The following ADGRG5 variants were observed in gnomAD, a reference collection of about 807,000 sequenced individuals.
The protein encoded by ADGRG5 is adhesion G protein-coupled receptor G5.
In ADGRG5, 37 loss-of-function variants were observed where a neutral mutation model predicts 53.2. That is an observed-to-expected ratio of 0.70 (90% confidence interval 0.53 to 0.91). The LOEUF (loss-of-function observed/expected upper bound fraction) is 0.91. ADGRG5 is among the 40% of genes least tolerant of loss of function. The pLI is 0.00. For synonymous variants in ADGRG5, 277 were observed against 290.4 expected, an observed-to-expected ratio of 0.95 and a Z score of 0.47; for missense variants, 614 against 675.8, an observed-to-expected ratio of 0.91 and a Z score of 1.01.
chr16:57,544,448 G>A (rs1351293468), intron 1 of ADGRG5, among the ~76,000 whole-genome samples: 2 of 152,250 alleles, frequency 1.3e-5, no homozygotes, highest in African/African-American at 2.4e-5. Flanking sequence ...GGGAAAGGGG[G>A]TGGAAACCAC....
chr16:57,543,872 A>ATTG (rs1315165042), intron 1 of ADGRG5, among the ~76,000 whole-genome samples: 1 of 152,100 alleles, frequency 6.6e-6, no homozygotes, highest in Non-Finnish European at 1.5e-5. Flanking sequence ...GATCAGGGAA[A>ATTG]TTGTTGTTTG....
the ADGRG5 span, among the ~76,000 whole-genome samples, chr16:57,537,328 AAAG>A: frequency 2.0e-5 from 3 of 151,226 alleles, no homozygotes; most frequent in African/African-American, 7.4e-5. Flanking sequence ...AATCTATTTA[AAAG>A]AAGACCAACA....
rs137871368 is a variant in ADGRG5 at position 57,572,799 on chromosome 16, A to T, written c.1209-2016A>T. On this transcript the variant is annotated intron_variant, in intron 10 of 11. Coordinates refer to ENST00000349457, the MANE Select transcript of ADGRG5 (RefSeq NM_001304376.3). ...AGCTGCCCCCGTGGGGATATTCCCTAGCGGTGAAAGTGAGTGGTCGCCTAC... is the reference window on the plus strand; with the variant it reads ...AGCTGCCCCCGTGGGGATATTCCCTTGCGGTGAAAGTGAGTGGTCGCCTAC... Among the ~76,000 whole-genome samples, 4 of 152,360 alleles carry T rather than the reference A, an allele frequency of 2.6e-5. No homozygotes were observed. The East Asian group carries it at 7.7e-4, about 29-fold the overall frequency.
At chr16:57,559,856 G>A (rs1453698506) in intron 1 of ADGRG5, among the ~76,000 whole-genome samples, 1 of 151,664 alleles carries the variant, frequency 6.6e-6, no homozygotes, top group African/African-American at 2.4e-5. Context: ...TCTTAATATG[G>A]TTTTTACACA....
the ADGRG5 span, among the ~76,000 whole-genome samples, chr16:57,537,282 C>T: frequency 2.0e-5 from 3 of 151,126 alleles, no homozygotes; most frequent in East Asian, 5.8e-4. Flanking sequence ...GGAGGACTCC[C>T]CACTACATCC....
At chr16:57,546,096 G>C (rs370103547) in intron 1 of ADGRG5, among the ~76,000 whole-genome samples, 50 of 152,222 alleles carry the variant, frequency 3.3e-4, no homozygotes, top group African/African-American at 1.1e-3. Context: ...AAAGTGCTGG[G>C]ATTACAGGTG....
chr16:57,542,561 C>G (rs2032508415), upstream of ADGRG5: 1 of 152,552 alleles, frequency 6.6e-6, no homozygotes, highest in Non-Finnish European at 1.5e-5. Flanking sequence ...GTGAAGGGAG[C>G]AGAGAGAAGT....
intron 5 of ADGRG5, 150 bp from the exon 6 acceptor site, chr16:57,564,884 A>AAGGCTGGGAGGCTGGG (rs373712802): frequency 8.5e-6 from 5 of 586,038 alleles, no homozygotes; most frequent in Admixed American, 6.1e-5. Flanking sequence ...GGAGGCTGGG[A>AAGGCTGGGAGGCTGGG]AGGCTGGGAG....
chr16:57,548,990 G>C (rs2032687252), intron 1 of ADGRG5, among the ~76,000 whole-genome samples: 2 of 152,178 alleles, frequency 1.3e-5, no homozygotes, highest in South Asian at 4.2e-4. Context: ...TCATATGATA[G>C]GTACATGTTT....
Position 57,566,720 on chromosome 16 carries a change from G to A in ADGRG5, c.668G>A (p.Cys223Tyr). Residue 223 changes from cysteine (C) to tyrosine (Y), a missense_variant, in exon 7 of 12, where the codon TGC becomes TAC. Coordinates refer to ENST00000349457, the MANE Select transcript of ADGRG5 (RefSeq NM_001304376.3). The stretch of plus-strand genomic sequence containing the variant: ...TCCCACTCTCAGGTGCTCTGCCGCT[G>A]CAACCACCTCACCTACTTTGCTGTT... Reference protein sequence around the residue: ...QPSHSQVLCRCNHLTYFAVLM... With the variant: ...QPSHSQVLCRYNHLTYFAVLM... 1.3e-6 allele frequency: 2 copies of A among 1,568,082 alleles called. No homozygotes were observed. Among genetic ancestry groups the A allele is most frequent in the Non-Finnish European group, 1.7e-6 (2 of 1,157,334 alleles).
chr16:57,574,174 GGACCGGGGCTGGCTTCGGTTAGTT>G lies in ADGRG5; in HGVS notation c.1209-640_1209-617del, dbSNP rs1421752836. ...GGGCAGAGGCCTCCGGGAGGGCGTG[GGACCGGGGCTGGCTTCGGTTAGTT>G]CTCCATGGCTCTCTGCTCAGCCCTC... On this transcript the variant is annotated intron_variant, in intron 10 of 11. Coordinates refer to ENST00000349457, the MANE Select transcript of ADGRG5 (RefSeq NM_001304376.3). This position sits in a 1 kb window ranked among gnomAD's most constrained non-coding sequence, Gnocchi z 4.4. Among the ~76,000 whole-genome samples the G allele has an allele frequency of 2.0e-5, 3 of 152,232 alleles. No homozygotes were observed. Among genetic ancestry groups the G allele is most frequent in the African/African-American group, 7.2e-5 (3 of 41,464 alleles).
intron 1 of ADGRG5, among the ~76,000 whole-genome samples, chr16:57,558,667 T>G (rs1196785369): frequency 1.3e-5 from 2 of 152,208 alleles, no homozygotes; most frequent in East Asian, 3.9e-4. Flanking sequence ...CAGGCAGACT[T>G]CTTCCCCTTC....
chr16:57,574,998 G>C lies in ADGRG5; in HGVS notation c.1392G>C (p.Val464=). 8 of 1,613,998 alleles carry C rather than the reference G, an allele frequency of 5.0e-6. No individual in the cohort carries two copies. Among genetic ancestry groups the C allele is most frequent in the Non-Finnish European group, 6.8e-6 (8 of 1,180,002 alleles). ...HDTVTVLGLT[V]LLGTTWALAF... ...CTGTCACTGTGCTGGGCCTCACCGT[G>C]CTGCTGGGAACCACCTGGGCCTTGG... Residue 464 remains valine, a synonymous_variant, in exon 11 of 12, where the codon GTG becomes GTC. Transcript: ENST00000349457. The surrounding 1 kb of genome is among the most constrained non-coding windows in gnomAD (Gnocchi z 4.4).
At chr16:57,554,644 G>A (rs1218134239) in intron 1 of ADGRG5, among the ~76,000 whole-genome samples, 1 of 152,106 alleles carries the variant, frequency 6.6e-6, no homozygotes, top group Non-Finnish European at 1.5e-5. Flanking sequence ...CCAAAGTGCT[G>A]GGATTACAGG....
chr16:57,532,227 T>G, the ADGRG5 span, among the ~76,000 whole-genome samples: 1 of 152,154 alleles, frequency 6.6e-6, no homozygotes, highest in East Asian at 1.9e-4. Context: ...GAATTTGCAT[T>G]TTAATAGTCT....
Position 57,567,813 on chromosome 16 carries a change from G to T in ADGRG5, c.822-43G>T, listed in dbSNP as rs184384809. 2.4e-5 allele frequency: 38 copies of T among 1,582,472 alleles called. No homozygotes were observed. In the East Asian group the frequency reaches 8.6e-4, roughly 36 times the overall value. Reference sequence around the variant, plus strand: ...TGCACCCAGTGGGTAGTGCTGCCTGGGTGATGTCCCTGGGCCATGGAGGAC... The same window carrying T: ...TGCACCCAGTGGGTAGTGCTGCCTGTGTGATGTCCCTGGGCCATGGAGGAC... On this transcript the variant is annotated intron_variant, in intron 8 of 11. Coordinates refer to ENST00000349457, the MANE Select transcript of ADGRG5 (RefSeq NM_001304376.3).
At chr16:57,562,815 G>A (rs557552818) in intron 3 of ADGRG5, among the ~76,000 whole-genome samples, 52 of 152,326 alleles carry the variant, frequency 3.4e-4, no homozygotes, top group Non-Finnish European at 5.9e-4. Flanking sequence ...TCAGGGCTAA[G>A]AGTGGCTACT....
rs574362480 is a variant in ADGRG5 at position 57,547,881 on chromosome 16, C to G, written c.-39+5180C>G. 3.3e-5 allele frequency among the ~76,000 whole-genome samples: 5 copies of G among 152,292 alleles called. No individual in the cohort carries two copies. The South Asian group carries it at 1.0e-3, about 32-fold the overall frequency. On this transcript the variant is annotated intron_variant, in intron 1 of 11. Coordinates refer to ENST00000349457, the MANE Select transcript of ADGRG5 (RefSeq NM_001304376.3). ...CCTCTTGCCTCAGCCTCCTGAGTAG[C>G]TAGGATTACACGTGTGCCAACACGC... is the stretch of plus-strand genomic sequence containing the variant.
intron 10 of ADGRG5, among the ~76,000 whole-genome samples, chr16:57,573,481 C>T (rs1427760823): frequency 1.4e-5 from 2 of 147,030 alleles, no homozygotes; most frequent in Non-Finnish European, 3.0e-5. Context: ...GCAAGAAAAG[C>T]AGAGATTGAT....
Sources: gnomAD v4.1 joint callset for allele counts (sites outside exome capture counted in the v4.1 genomes callset) on GRCh38, gnomAD v4.1.1 for gene constraint, Gnocchi (gnomAD v3.1) non-coding constraint, MANE v1.5 for transcripts, NCBI Gene and HGNC (gene_info 2026-07-23, HGNC 2026-07-21) for gene names.